The following HS3ST3A1 variants were observed in gnomAD, a reference collection of about 807,000 sequenced individuals.
The protein encoded by HS3ST3A1 is heparan sulfate glucosamine 3-O-sulfotransferase 3A1.
Under a neutral mutation model 25.7 loss-of-function variants are expected in HS3ST3A1, and 19 were observed. The ratio of observed to expected loss-of-function variants is 0.74; its 90% confidence interval spans 0.52 to 1.08. The LOEUF is 1.08. Among genes scored for constraint, HS3ST3A1 ranks in the 50% least tolerant of loss-of-function variants. HS3ST3A1 has a pLI of 0.00. For missense variants in HS3ST3A1, 459 were observed against 594.3 expected (o/e 0.77, Z 2.37); for synonymous variants, 226 against 278.6 (o/e 0.81, Z 1.88).
chr17:13,539,985 G>T (rs892144968), intron 1 of HS3ST3A1, among the ~76,000 whole-genome samples: 31 of 152,106 alleles, frequency 2.0e-4, no homozygotes, highest in African/African-American at 7.3e-4. Context: ...TTTGGGCTTA[G>T]TTAGTAAATA....
At chr17:13,507,580 G>C (rs151038314) in intron 1 of HS3ST3A1, among the ~76,000 whole-genome samples, 2 of 152,240 alleles carry the variant, frequency 1.3e-5, no homozygotes, top group South Asian at 2.1e-4. Context: ...GAAATCTTCC[G>C]AACAGGTAAT....
chr17:13,543,728 A>C (rs1331264009), intron 1 of HS3ST3A1: 1 of 154,512 alleles, frequency 6.5e-6, no homozygotes, highest in Non-Finnish European at 1.5e-5. Context: ...CAATGATAAA[A>C]AAGGAATTTT....
chr17:13,558,490 T>TA (rs993552054), intron 1 of HS3ST3A1, among the ~76,000 whole-genome samples: 8 of 152,192 alleles, frequency 5.3e-5, no homozygotes, highest in African/African-American at 1.9e-4. Flanking sequence ...ATGTAAGTAA[T>TA]AAAAAATTCA....
chr17:13,497,735 G>A (rs1905330570), intron 1 of HS3ST3A1, among the ~76,000 whole-genome samples: 2 of 152,306 alleles, frequency 1.3e-5, no homozygotes, highest in South Asian at 2.1e-4. Context: ...ACTATTTGTT[G>A]AGACAGTTAC....
intron 1 of HS3ST3A1, among the ~76,000 whole-genome samples, chr17:13,509,008 G>C (rs1470422803): frequency 6.6e-6 from 1 of 150,608 alleles, no homozygotes; most frequent in Admixed American, 6.6e-5. Flanking sequence ...GCCTCACCCT[G>C]GTCCTGGCCC....
intron 1 of HS3ST3A1, among the ~76,000 whole-genome samples, chr17:13,510,448 G>T (rs1806449586): frequency 6.6e-6 from 1 of 152,122 alleles, no homozygotes; most frequent in African/African-American, 2.4e-5. Context: ...TTTTAGAAAG[G>T]TTCTTCGTCA....
chr17:13,547,640 T>C (rs1907124159), intron 1 of HS3ST3A1, among the ~76,000 whole-genome samples: 1 of 152,212 alleles, frequency 6.6e-6, no homozygotes, highest in African/African-American at 2.4e-5. Flanking sequence ...GTTCTTGAGT[T>C]GTATTCTTGA....
intron 1 of HS3ST3A1, among the ~76,000 whole-genome samples, chr17:13,525,866 C>CTT (rs767343402): frequency 6.7e-6 from 1 of 149,278 alleles, no homozygotes; most frequent in African/African-American, 2.5e-5. Context: ...AAATGTTACC[C>CTT]TTTTTTTTTT....
At chr17:13,557,967 G>A (rs1907426857) in intron 1 of HS3ST3A1, among the ~76,000 whole-genome samples, 1 of 152,212 alleles carries the variant, frequency 6.6e-6, no homozygotes, top group Admixed American at 6.5e-5. Flanking sequence ...TTACCTAAAA[G>A]CAAGATAAAA....
chr17:13,548,732 T>A (rs1907158275), intron 1 of HS3ST3A1, among the ~76,000 whole-genome samples: 1 of 152,104 alleles, frequency 6.6e-6, no homozygotes, highest in Admixed American at 6.5e-5. Context: ...AACGCACCAA[T>A]CATCACTCTG....
intron 1 of HS3ST3A1, among the ~76,000 whole-genome samples, chr17:13,562,040 A>C: frequency 6.6e-6 from 1 of 152,154 alleles, no homozygotes; most frequent in Middle Eastern, 3.4e-3. Flanking sequence ...TGTCCCTTAT[A>C]AACGGTTGAA....
At chr17:13,576,557 G>A (rs1907952673) in intron 1 of HS3ST3A1, among the ~76,000 whole-genome samples, 1 of 152,172 alleles carries the variant, frequency 6.6e-6, no homozygotes, top group African/African-American at 2.4e-5. Context: ...TGAATGACTA[G>A]GTCTAGCCCA....
chr17:13,497,237 C>T (rs1263487187), intron 1 of HS3ST3A1, among the ~76,000 whole-genome samples: 1 of 152,152 alleles, frequency 6.6e-6, no homozygotes, highest in Non-Finnish European at 1.5e-5. Context: ...ATCCTGAGCC[C>T]TTCCTGTAGT....
intron 1 of HS3ST3A1, among the ~76,000 whole-genome samples, chr17:13,598,098 C>T (rs929531716): frequency 4.6e-5 from 7 of 151,844 alleles, no homozygotes; most frequent in African/African-American, 1.2e-4. Context: ...TATTTCTGTT[C>T]GTGTGTGTGT....
chr17:13,587,816 C>T (rs1908316592), intron 1 of HS3ST3A1, among the ~76,000 whole-genome samples: 1 of 151,956 alleles, frequency 6.6e-6, no homozygotes, highest in African/African-American at 2.4e-5. Flanking sequence ...TAATCACATT[C>T]TAGAAAATGT....
intron 1 of HS3ST3A1, among the ~76,000 whole-genome samples, chr17:13,527,414 A>T (rs1906466555): frequency 6.6e-6 from 1 of 152,168 alleles, no homozygotes; most frequent in Admixed American, 6.5e-5. Flanking sequence ...TGATGTGGAA[A>T]GTGTTTCCTT....
At chr17:13,567,113 G>A (rs766791348) in intron 1 of HS3ST3A1, among the ~76,000 whole-genome samples, 26 of 152,190 alleles carry the variant, frequency 1.7e-4, no homozygotes, top group Non-Finnish European at 3.2e-4. Flanking sequence ...GTGACTTTGA[G>A]CTGAAGCCAA....
chr17:13,556,808 C>T (rs913289960), intron 1 of HS3ST3A1, among the ~76,000 whole-genome samples: 2 of 147,320 alleles, frequency 1.4e-5, no homozygotes, highest in African/African-American at 2.5e-5. Flanking sequence ...GCAGAGATCG[C>T]GCCACTGCAC....
At chr17:13,584,377 G>T (rs1908191107) in intron 1 of HS3ST3A1, among the ~76,000 whole-genome samples, 1 of 150,420 alleles carries the variant, frequency 6.6e-6, no homozygotes, top group Admixed American at 6.6e-5. Flanking sequence ...AATCATTAAG[G>T]ATGGAAACCA....
Sources: gnomAD v4.1 joint callset for allele counts (sites outside exome capture counted in the v4.1 genomes callset) on GRCh38, gnomAD v4.1.1 for gene constraint, MANE v1.5 for transcripts, NCBI Gene and HGNC (gene_info 2026-07-23, HGNC 2026-07-21) for gene names.